Variants in ZNF552 observed in about 807,000 individuals in gnomAD.
ZNF552 encodes the protein zinc finger protein 552.
In ZNF552, 2 loss-of-function variants were observed where a neutral mutation model predicts 7.2. The ratio of observed to expected loss-of-function variants is 0.28; its 90% confidence interval spans 0.11 to 0.88. The LOEUF is 0.88. Ranked by LOEUF, ZNF552 falls within the 40% of genes least tolerant of loss-of-function variation. The pLI, the probability that ZNF552 is intolerant of heterozygous loss-of-function variation, is 0.60. For missense variants in ZNF552, 421 were observed against 493.4 expected (o/e 0.85, Z 1.39); for synonymous variants, 173 against 176.5 (o/e 0.98, Z 0.16).
intron 1 of ZNF552, among the ~76,000 whole-genome samples, chr19:57,814,237 C>G (rs1401256156): frequency 6.6e-6 from 1 of 152,104 alleles, no homozygotes; most frequent in African/African-American, 2.4e-5. Flanking sequence ...ATCTCTACCA[C>G]CTATATGATC....
chr19:57,814,544 C>G, intron 1 of ZNF552, 167 bp downstream of exon 1: 1 of 1,541,994 alleles, frequency 6.5e-7, no homozygotes, highest in Non-Finnish European at 8.7e-7. Flanking sequence ...TGTCGCTCTC[C>G]CCACCGCATC....
intron 2 of ZNF552, 198 bp downstream of exon 2, chr19:57,813,096 T>C: frequency 2.4e-6 from 2 of 840,358 alleles, no homozygotes; most frequent in Non-Finnish European, 3.5e-6. Flanking sequence ...CTCTGAATTC[T>C]TCCCTGGGAG....
chr19:57,813,968 T>A (rs886599037), intron 1 of ZNF552, among the ~76,000 whole-genome samples: 1 of 114,484 alleles, frequency 8.7e-6, no homozygotes, highest in African/African-American at 3.7e-5. Flanking sequence ...GGTCTCTACC[T>A]CCGGACCAAC....
Position 57,812,844 on chromosome 19 carries a change from T to C in ZNF552, c.160+450A>G, listed in dbSNP as rs113094553. On this transcript the variant is annotated intron_variant, in intron 2 of 2. Coordinates refer to ENST00000391701, the MANE Select transcript of ZNF552 (RefSeq NM_024762.3). ...TTGGCCTCCCTGAGTGCAGAAATTATAGGCATGAGCCACTGCACCAGACCT... is the reference window on the plus strand; with the variant it reads ...TTGGCCTCCCTGAGTGCAGAAATTACAGGCATGAGCCACTGCACCAGACCT... Among the ~76,000 whole-genome samples, 927 of 152,298 alleles carry C rather than the reference T, an allele frequency of 6.1e-3. 5 individuals carry two copies. The highest frequency in any genetic ancestry group is 9.6e-3 in the Non-Finnish European group (652 of 68,032).
chr19:57,814,342 T>C (rs1251737639), intron 1 of ZNF552: 1 of 661,176 alleles, frequency 1.5e-6, no homozygotes, highest in Non-Finnish European at 2.6e-6. Flanking sequence ...TGGACTTTGA[T>C]CCAGTCCCTT....
Position 57,808,642 on chromosome 19 carries a change from C to G in ZNF552, c.622G>C (p.Gly208Arg). The change falls in exon 3 of 3, where the codon GGA becomes CGA. Residue 208 changes from glycine (G) to arginine (R), a missense_variant. This residue lies in a region of ZNF552 where 299 missense variants were observed against 293.7 expected (regional missense o/e 1.02). Transcript: ENST00000391701. Reference protein sequence around the residue: ...KTECVSLFHGGKSHYSCGGCM... With the variant: ...KTECVSLFHGRKSHYSCGGCM... ...CCTCCACAGCTGTAATGGCTTTTTC[C>G]CCCATGAAACAGAGACACACACTCA... The G allele has an allele frequency of 6.2e-7, 1 of 1,614,124 alleles. No individual in the cohort carries two copies. The highest frequency in any genetic ancestry group is 8.5e-7 in the Non-Finnish European group (1 of 1,180,030).
chr19:57,814,560 G>A (rs533919326), intron 1 of ZNF552, 151 bp downstream of exon 1: 47 of 1,549,432 alleles, frequency 3.0e-5, no homozygotes, highest in Middle Eastern at 1.7e-4. Flanking sequence ...GCATCCCACG[G>A]GTGTCTGAAA....
In ZNF552 at chr19:57,808,691, G is replaced by A. The variant is rs377402165; in HGVS notation, c.573C>T (p.His191=). ...RSGLLQQEAT[H]TGKSNSKTEC... is the part of the protein sequence containing the mutation. ...CAGTTTTGCTGTTTGACTTCCCAGTGTGAGTGGCCTCTTGCTGGAGTAATC... is the reference window on the plus strand; with the variant it reads ...CAGTTTTGCTGTTTGACTTCCCAGTATGAGTGGCCTCTTGCTGGAGTAATC... Residue 191 remains histidine (H), a synonymous_variant, in exon 3 of 3, where the codon CAC becomes CAT. Coordinates refer to ENST00000391701, the MANE Select transcript of ZNF552 (RefSeq NM_024762.3). 24 of 1,614,090 alleles carry A rather than the reference G, an allele frequency of 1.5e-5. No individual in the cohort carries two copies. The highest frequency in any genetic ancestry group is 1.6e-4 in the Middle Eastern group (1 of 6,084).
intron 1 of ZNF552, among the ~76,000 whole-genome samples, chr19:57,813,947 T>C (rs561384900): frequency 1.3e-5 from 2 of 149,254 alleles, no homozygotes; most frequent in East Asian, 3.9e-4. Context: ...TTCTCCATGG[T>C]TGGTCAGGCT....
At chr19:57,810,584 C>G (rs572153027) in intron 2 of ZNF552, among the ~76,000 whole-genome samples, 4 of 152,300 alleles carry the variant, frequency 2.6e-5, no homozygotes, top group African/African-American at 9.6e-5. Context: ...GTCATCACTA[C>G]TCCCTACTCT....
intron 1 of ZNF552, 130 bp downstream of exon 1, chr19:57,814,581 T>G (rs753880935): frequency 1.9e-6 from 3 of 1,567,080 alleles, no homozygotes; most frequent in Middle Eastern, 3.3e-4. Flanking sequence ...CAGGGATCCC[T>G]CCCGAGAGCG....
At chr19:57,811,571 A>G (rs888457997) in intron 2 of ZNF552, among the ~76,000 whole-genome samples, 4 of 151,992 alleles carry the variant, frequency 2.6e-5, no homozygotes, top group African/African-American at 7.2e-5. Flanking sequence ...ACCCTTCATT[A>G]GCCGGGCATG....
chr19:57,814,637 G>A lies in ZNF552; in HGVS notation c.33+74C>T, dbSNP rs1440458916. 1.9e-6 allele frequency: 3 copies of A among 1,612,266 alleles called. No individual in the cohort carries two copies. The East Asian group carries it at 6.7e-5, about 36-fold the overall frequency. ...GTCCGGGTTGCAGAGCCGTAAACAGGTGCCGCTCCCTCGCTGCTTTAGGAC... is the reference window on the plus strand; with the variant it reads ...GTCCGGGTTGCAGAGCCGTAAACAGATGCCGCTCCCTCGCTGCTTTAGGAC... On this transcript the variant is annotated intron_variant, in intron 1 of 2. Transcript: ENST00000391701.
chr19:57,814,522 C>A, intron 1 of ZNF552, 189 bp downstream of exon 1: 1 of 1,537,734 alleles, frequency 6.5e-7, no homozygotes, highest in South Asian at 1.2e-5. Flanking sequence ...TGCCCGCGCC[C>A]CTCCCTGTAC....
intron 2 of ZNF552, among the ~76,000 whole-genome samples, chr19:57,810,584 C>A (rs572153027): frequency 6.6e-6 from 1 of 152,182 alleles, no homozygotes; most frequent in Non-Finnish European, 1.5e-5. Flanking sequence ...GTCATCACTA[C>A]TCCCTACTCT....
intron 1 of ZNF552, 138 bp from the exon 2 acceptor site, chr19:57,813,558 G>A (rs1987897389): frequency 2.2e-6 from 3 of 1,371,610 alleles, no homozygotes; most frequent in Non-Finnish European, 3.0e-6. Context: ...CACTGGTCAT[G>A]GGGTACAGCC....
chr19:57,813,449 A>G (rs747605067), intron 1 of ZNF552, 29 bp from the exon 2 acceptor site: 2 of 1,608,640 alleles, frequency 1.2e-6, no homozygotes, highest in Non-Finnish European at 1.7e-6. Flanking sequence ...ATGAAACCAC[A>G]AACCACCCCT....
chr19:57,810,707 C>T (rs148907746), intron 2 of ZNF552, among the ~76,000 whole-genome samples: 1 of 152,036 alleles, frequency 6.6e-6, no homozygotes, highest in Non-Finnish European at 1.5e-5. Flanking sequence ...CCTGACAGCC[C>T]GACGCCAGTA....
In ZNF552 at chr19:57,808,721, C is replaced by A; in HGVS notation, c.543G>T (p.Arg181Ser). Reference protein sequence around the residue: ...FSESGKDFLLRSGLLQQEATH... With the variant: ...FSESGKDFLLSSGLLQQEATH... ...TGGCCTCTTGCTGGAGTAATCCTGA[C>A]CTGAGCAAAAAGTCTTTCCCACTCT... The change falls in exon 3 of 3, where the codon AGG becomes AGT. Residue 181 changes from arginine to serine, a missense_variant. Arg to Ser is a moderately radical substitution (Grantham distance 110). Coordinates refer to ENST00000391701, the MANE Select transcript of ZNF552 (RefSeq NM_024762.3). The A allele has an allele frequency of 1.2e-6, 2 of 1,614,194 alleles. No individual in the cohort carries two copies. Among genetic ancestry groups the A allele is most frequent in the African/African-American group, 1.3e-5 (1 of 75,036 alleles).
Sources: gnomAD v4.1 joint callset for allele counts (sites outside exome capture counted in the v4.1 genomes callset) on GRCh38, gnomAD v4.1.1 for gene constraint, gnomAD v4.1.1 regional missense constraint, MANE v1.5 for transcripts, NCBI Gene and HGNC (gene_info 2026-07-23, HGNC 2026-07-21) for gene names.